ABCB10: variants seen among roughly 807,000 people sequenced by gnomAD.
The protein encoded by ABCB10 is ATP-binding cassette sub-family B member 10, mitochondrial.
A neutral mutation model predicts 65.4 loss-of-function variants in ABCB10; 54 were observed. The observed-to-expected ratio is 0.83, with a 90% CI of 0.66 to 1.04. The LOEUF (loss-of-function observed/expected upper bound fraction) is 1.04, where lower values mean the gene tolerates loss of function less well. Among genes scored for constraint, ABCB10 ranks in the 50% least tolerant of loss-of-function variants. The probability of loss-of-function intolerance (pLI) is 0.00; values close to 1 mark genes in which losing one functional copy is unlikely to be tolerated. For synonymous variants in ABCB10, 418 were observed against 406.5 expected (o/e 1.03, Z -0.34); for missense variants, 846 against 976.6 (o/e 0.87, Z 1.78).
intron 3 of ABCB10, among the ~76,000 whole-genome samples, chr1:229,545,767 A>T (rs751282676): frequency 5.1e-4 from 77 of 152,250 alleles, no homozygotes; most frequent in Non-Finnish European, 2.9e-4. Flanking sequence ...TCTGAAATGC[A>T]TGGGTCAACT....
intron 9 of ABCB10, 75 bp downstream of exon 9, chr1:229,527,154 C>CAA (rs113863559): frequency 0.035 from 37,381 of 1,066,990 alleles, 158 homozygotes; most frequent in African/African-American, 0.049. Flanking sequence ...AAGTTCGAGA[C>CAA]AAAAAAAAAA....
intron 11 of ABCB10, among the ~76,000 whole-genome samples, chr1:229,519,315 A>G (rs1387958950): frequency 2.6e-5 from 4 of 152,234 alleles, no homozygotes; most frequent in Non-Finnish European, 5.9e-5. Context: ...CAAATTACTA[A>G]GTGTCTGGGA....
In ABCB10 at chr1:229,526,022, G is replaced by A. The variant is rs766513739; in HGVS notation, c.1820C>T (p.Ala607Val). Residue 607 changes from alanine (A) to valine (V), a missense_variant, in exon 10 of 13, where the codon GCT becomes GTT. Transcript: ENST00000344517. ...SVTAEEIQRV[A>V]EVANAVAFIR... Reference sequence around the variant, plus strand: ...GAAGGCCACTGCATTGGCCACTTCAGCCACTCTCTGGATTTCCTCAGCGGT... The same window carrying A: ...GAAGGCCACTGCATTGGCCACTTCAACCACTCTCTGGATTTCCTCAGCGGT... 28 of 1,614,200 alleles carry A rather than the reference G, an allele frequency of 1.7e-5. No individual in the cohort carries two copies. The highest frequency in any genetic ancestry group is 2.4e-5 in the Non-Finnish European group (28 of 1,180,042).
chr1:229,521,754 C>A lies in ABCB10; in HGVS notation c.1907-119G>T, dbSNP rs1232599769. 5.6e-6 allele frequency: 5 copies of A among 895,358 alleles called. No homozygotes were observed. The South Asian group carries it at 6.8e-5, about 12-fold the overall frequency. The allele number at this position is 895,358 out of a possible 1,614,324, so 55.5% of individuals were successfully genotyped here. On this transcript the variant is annotated intron_variant, in intron 10 of 12. Transcript: ENST00000344517. ...TTCTTCTAGTTAGTCATAGCTGACACAGATAGACCAGAAACCTATTTTAAA... is the reference window on the plus strand; with the variant it reads ...TTCTTCTAGTTAGTCATAGCTGACAAAGATAGACCAGAAACCTATTTTAAA...
intron 6 of ABCB10, 26 bp from the exon 7 acceptor site, chr1:229,531,757 C>T (rs779268769): frequency 3.1e-6 from 5 of 1,598,970 alleles, no homozygotes; most frequent in African/African-American, 1.3e-5. Flanking sequence ...AGAATCCACA[C>T]ACATGTCCAT....
intron 12 of ABCB10, 92 bp from the exon 13 acceptor site, chr1:229,518,502 T>G: frequency 3.8e-6 from 4 of 1,045,144 alleles, no homozygotes; most frequent in Non-Finnish European, 5.7e-6. Context: ...GAGCAATGAA[T>G]TTTTACCATG....
rs928739119 is a variant in ABCB10 at position 229,546,897 on chromosome 1, TA to T, written c.921+601del. On this transcript the variant is annotated intron_variant, in intron 3 of 12. Transcript: ENST00000344517. ...AGACTGTCTCTAAAAAAATTAAAAT[TA>T]AAAAAAAAATTAATCTCATTGGCTT... is the stretch of plus-strand genomic sequence containing the variant. Among the ~76,000 whole-genome samples, 5 of 150,184 alleles carry T rather than the reference TA, an allele frequency of 3.3e-5. 1 individual carries two copies. The highest frequency in any genetic ancestry group is 7.3e-5 in the African/African-American group (3 of 40,958).
At chr1:229,531,189 C>G (rs1393684118) in intron 7 of ABCB10, among the ~76,000 whole-genome samples, 1 of 152,184 alleles carries the variant, frequency 6.6e-6, no homozygotes, top group Admixed American at 6.5e-5. Context: ...CCAGCCTCCC[C>G]TACCCCACAC....
chr1:229,531,547 C>T, intron 7 of ABCB10, 89 bp downstream of exon 7: 1 of 1,327,240 alleles, frequency 7.5e-7, no homozygotes, highest in Middle Eastern at 2.7e-4. Flanking sequence ...TGGCTCATCC[C>T]TCACTCCCTT....
At chr1:229,547,990 TTTTTA>T (rs946454863) in intron 2 of ABCB10, among the ~76,000 whole-genome samples, 3 of 151,764 alleles carry the variant, frequency 2.0e-5, no homozygotes, top group South Asian at 2.1e-4. Flanking sequence ...TCAGAGGCCT[TTTTTA>T]TTTTTACTTT....
intron 8 of ABCB10, among the ~76,000 whole-genome samples, chr1:229,529,840 G>A (rs556093083): frequency 3.9e-5 from 6 of 152,228 alleles, no homozygotes; most frequent in African/African-American, 1.2e-4. Flanking sequence ...GGGTGCTGCT[G>A]GAGCACCCCA....
chr1:229,541,757 C>G (rs1662851139), intron 4 of ABCB10, among the ~76,000 whole-genome samples: 1 of 151,766 alleles, frequency 6.6e-6, no homozygotes, highest in Admixed American at 6.6e-5. Context: ...CTGGGCAACA[C>G]AGTAAGATCA....
intron 2 of ABCB10, among the ~76,000 whole-genome samples, chr1:229,548,515 A>G (rs1663022391): frequency 6.6e-6 from 1 of 152,200 alleles, no homozygotes; most frequent in Non-Finnish European, 1.5e-5. Context: ...TGTAAAAACA[A>G]GACCTCTTCA....
At position 229,547,658 on chromosome 1, in the gene ABCB10, G is replaced by A; in HGVS notation, c.762C>T (p.Ser254=). 6.2e-7 allele frequency: 1 copy of A among 1,614,148 alleles called. No homozygotes were observed. The highest frequency in any genetic ancestry group is 8.5e-7 in the Non-Finnish European group (1 of 1,180,010). ...AGAAAGCAACCTCCTGCCTCAGAAT[G>A]GAGGAGAATAATGAAGTTCTCAGCC... ...VNRLRTSLFS[S]ILRQEVAFFD... Residue 254 remains serine (S), a synonymous_variant, in exon 3 of 13, where the codon TCC becomes TCT. Coordinates refer to ENST00000344517, the MANE Select transcript of ABCB10 (RefSeq NM_012089.3).
In ABCB10 at chr1:229,558,131, C is replaced by T; in HGVS notation, c.517+5G>A. ...GCGGAGGGAAGTGGCCGGGGAGGAC[C>T]CTACCTGCCAGCCTCCGGCGCTCAG... On this transcript the variant is annotated splice_donor_5th_base_variant and intron_variant, in intron 1 of 12. Transcript: ENST00000344517. 1.4e-6 allele frequency: 2 copies of T among 1,393,950 alleles called. No individual in the cohort carries two copies. The highest frequency in any genetic ancestry group is 3.3e-5 in the Admixed American group (1 of 30,254). 86.3% of individuals were successfully genotyped at this position (1,393,950 alleles called of 1,614,324 possible). A position where few individuals can be genotyped will look rare whatever the true frequency, so the allele number is the denominator to read the frequency against.
At chr1:229,530,443 C>A in intron 7 of ABCB10, 35 bp from the exon 8 acceptor site, 1 of 1,607,236 alleles carries the variant, frequency 6.2e-7, no homozygotes, top group Non-Finnish European at 8.5e-7. Flanking sequence ...TTACTTACAG[C>A]AAAAAATTAA....
chr1:229,531,945 TA>T, intron 6 of ABCB10: 1 of 334,080 alleles, frequency 3.0e-6, no homozygotes. Context: ...TCCAGTTTCA[TA>T]GTTTTTTTTT....
chr1:229,556,274 A>G (rs1663245500), intron 1 of ABCB10, among the ~76,000 whole-genome samples: 1 of 151,982 alleles, frequency 6.6e-6, no homozygotes, highest in South Asian at 2.1e-4. Context: ...TGGGAGGCTG[A>G]GGCAGGAAGA....
In ABCB10 at chr1:229,547,661, G is replaced by A. The variant is rs528135426; in HGVS notation, c.759C>T (p.Ser253=). The change falls in exon 3 of 13, where the codon TCC becomes TCT. Residue 253 remains serine, a synonymous_variant. Coordinates refer to ENST00000344517, the MANE Select transcript of ABCB10 (RefSeq NM_012089.3). ...AAGCAACCTCCTGCCTCAGAATGGA[G>A]GAGAATAATGAAGTTCTCAGCCTAT... is the stretch of plus-strand genomic sequence containing the variant. ...IVNRLRTSLF[S]SILRQEVAFF... The A allele has an allele frequency of 5.0e-6, 8 of 1,614,190 alleles. No homozygotes were observed. In the African/African-American group the frequency reaches 1.1e-4, roughly 22 times the overall value.
Sources: allele counts gnomAD v4.1 joint callset (sites outside exome capture counted in the v4.1 genomes callset), GRCh38; gene constraint gnomAD v4.1.1; transcripts MANE v1.5; gene names NCBI Gene and HGNC (gene_info 2026-07-23, HGNC 2026-07-21).